TEX261: variants seen among roughly 807,000 people sequenced by gnomAD.
TEX261 encodes the protein protein TEX261.
A neutral mutation model predicts 25.1 loss-of-function variants in TEX261; 13 were observed. The ratio of observed to expected loss-of-function variants is 0.52; its 90% CI spans 0.34 to 0.82. TEX261 has a LOEUF of 0.82. TEX261 is among the 40% of genes least tolerant of loss of function. The pLI is 0.02. For synonymous variants in TEX261, 92 were observed against 97.8 expected, an observed-to-expected ratio of 0.94 and a Z score of 0.35; for missense variants, 206 against 243.2, an observed-to-expected ratio of 0.85 and a Z score of 1.02.
At chr2:70,991,493 C>G (rs961295672) in intron 3 of TEX261, among the ~76,000 whole-genome samples, 7 of 152,218 alleles carry the variant, frequency 4.6e-5, no homozygotes, top group African/African-American at 1.7e-4. Context: ...GGGCTTTGGG[C>G]TTTTTCTGGC....
In TEX261 at chr2:70,987,699, C is replaced by T. The variant is rs1670217276; in HGVS notation, c.*901G>A. 6.6e-6 allele frequency: 1 copy of T among 152,274 alleles called. No individual in the cohort carries two copies. Among genetic ancestry groups the T allele is most frequent in the African/African-American group, 2.4e-5 (1 of 41,440 alleles). The allele number at this position is 152,274 out of a possible 1,614,324, so 9.4% of individuals were successfully genotyped here. A position where few individuals can be genotyped will look rare whatever the true frequency, so the allele number is the denominator to read the frequency against. On this transcript the variant is annotated 3_prime_UTR_variant, in exon 6 of 6. Transcript: ENST00000272438. ...TCCCATTTCTTTAAAAACAGGCTGC[C>T]TGGAAGCTAATTTTTATTTTGTTTC...
chr2:70,989,426 G>T, intron 4 of TEX261: 1 of 420,276 alleles, frequency 2.4e-6, no homozygotes, highest in Non-Finnish European at 4.4e-6. Flanking sequence ...CTGGGGCTCA[G>T]GGGTGCAGTC....
At chr2:70,993,397 A>G (rs1386052436) in intron 2 of TEX261, among the ~76,000 whole-genome samples, 1 of 152,230 alleles carries the variant, frequency 6.6e-6, no homozygotes, top group Admixed American at 6.5e-5. Context: ...ACAGCGGGAG[A>G]GAGCTAAGCA....
chr2:70,987,956 C>A lies in TEX261; in HGVS notation c.*644G>T. The A allele has an allele frequency of 6.5e-6, 1 of 153,452 alleles. No individual in the cohort carries two copies. Among genetic ancestry groups the A allele is most frequent in the Non-Finnish European group, 1.5e-5 (1 of 68,616 alleles). The allele number at this position is 153,452 out of a possible 1,614,324, so 9.5% of individuals were successfully genotyped here. A position where few individuals can be genotyped will look rare whatever the true frequency, so the allele number is the denominator to read the frequency against. On this transcript the variant is annotated 3_prime_UTR_variant, in exon 6 of 6. Transcript: ENST00000272438. ...CTCCTTGAGCAGGCTCAGCTCCTCA[C>A]CCCTGCCCCCTTCCCATTAAGGGCC...
chr2:70,989,417 T>G (rs960895049), intron 4 of TEX261: 3 of 411,726 alleles, frequency 7.3e-6, no homozygotes, highest in Non-Finnish European at 1.3e-5. Context: ...TGGGAAAAGC[T>G]GGGGCTCAGG....
Position 70,987,411 on chromosome 2 carries a change from T to C in TEX261, c.*1189A>G, listed in dbSNP as rs11556872. 9,339 of 152,722 alleles carry C rather than the reference T, an allele frequency of 0.061. 524 individuals carry two copies. The highest frequency in any genetic ancestry group is 0.19 in the Admixed American group (2,975 of 15,286). The allele number at this position is 152,722 out of a possible 1,614,324, so 9.5% of individuals were successfully genotyped here. A position where few individuals can be genotyped will look rare whatever the true frequency, so the allele number is the denominator to read the frequency against. ...CAGTGGCTTAAATGTATCACATGTG[T>C]ACAGTTCATCTCTGTACCTGCCAGC... On this transcript the variant is annotated 3_prime_UTR_variant, in exon 6 of 6. Transcript: ENST00000272438.
rs371993080 is a variant in TEX261, at chr2:70,988,574, C to T, written c.*26G>A. The T allele has an allele frequency of 1.9e-5, 30 of 1,564,408 alleles. No individual in the cohort carries two copies. Among genetic ancestry groups the T allele is most frequent in the South Asian group, 4.4e-5 (4 of 90,048 alleles). On this transcript the variant is annotated 3_prime_UTR_variant, in exon 6 of 6. Transcript: ENST00000272438. ...CAGGGGCCTGACTCTCCTGATCTTG[C>T]CCCCCACATCCTGCCTGCATGGGGG...
intron 2 of TEX261, among the ~76,000 whole-genome samples, chr2:70,993,370 A>C (rs746802498): frequency 1.1e-4 from 16 of 152,282 alleles, no homozygotes; most frequent in Non-Finnish European, 2.2e-4. Flanking sequence ...TGCTGTGAGC[A>C]GAGCAAAGGG....
chr2:70,988,843 C>T, intron 5 of TEX261, 72 bp downstream of exon 5: 5 of 1,570,084 alleles, frequency 3.2e-6, no homozygotes, highest in Non-Finnish European at 4.4e-6. Flanking sequence ...TTCAGGTTCC[C>T]TCAGTGGACC....
At chr2:70,990,324 G>A (rs1670278602) in intron 3 of TEX261, among the ~76,000 whole-genome samples, 1 of 152,202 alleles carries the variant, frequency 6.6e-6, no homozygotes, top group African/African-American at 2.4e-5. Flanking sequence ...AGACTTGCTA[G>A]ATGCTTTGAG....
chr2:70,988,552 G>T lies in TEX261; in HGVS notation c.*48C>A. On this transcript the variant is annotated 3_prime_UTR_variant, in exon 6 of 6. Coordinates refer to ENST00000272438, the MANE Select transcript of TEX261 (RefSeq NM_144582.3). ...GTCCCCACCTGGCATAGAGGCCCAG[G>T]GGCCTGACTCTCCTGATCTTGCCCC... The T allele has an allele frequency of 6.8e-7, 1 of 1,476,860 alleles. No homozygotes were observed. Among genetic ancestry groups the T allele is most frequent in the East Asian group, 2.3e-5 (1 of 44,188 alleles). The allele number at this position is 1,476,860 out of a possible 1,614,324, so 91.5% of individuals were successfully genotyped here.
chr2:70,994,231 T>C (rs1328963146), intron 1 of TEX261, among the ~76,000 whole-genome samples: 1 of 152,184 alleles, frequency 6.6e-6, no homozygotes, highest in East Asian at 1.9e-4. Context: ...TGCTGGACCA[T>C]CAACCCCTGT....
rs191546867 is a variant in TEX261, at chr2:70,991,721, G to A, written c.304+109C>T. ...ATCTTCCCAACTAGCCTGGCTTCCT[G>A]GAGGACTTCAACAGCTGGCTTCCTT... On this transcript the variant is annotated intron_variant, in intron 3 of 5. Coordinates refer to ENST00000272438, the MANE Select transcript of TEX261 (RefSeq NM_144582.3). The A allele has an allele frequency of 8.9e-4, 1,202 of 1,348,628 alleles. 17 individuals are homozygous for A. In the Admixed American group the frequency reaches 0.023, roughly 26 times the overall value. The allele number at this position is 1,348,628 out of a possible 1,614,324, so 83.5% of individuals were successfully genotyped here.
In TEX261 at chr2:70,994,742, G is replaced by T; in HGVS notation, c.16C>A (p.Leu6Met). Residue 6 changes from leucine to methionine, a missense_variant, in exon 1 of 6, where the codon CTG (leucine) becomes ATG (methionine). Coordinates refer to ENST00000272438, the MANE Select transcript of TEX261 (RefSeq NM_144582.3). MWFMY[L>M]LSWLSLFIQV... ...ATGAAGAGCGACAGCCAGCTCAGCA[G>T]GTACATGAACCACATGGCGCCCCCA... 6.2e-7 allele frequency: 1 copy of T among 1,606,046 alleles called. No homozygotes were observed. Among genetic ancestry groups the T allele is most frequent in the East Asian group, 2.2e-5 (1 of 44,446 alleles).
In TEX261 at chr2:70,994,782, G is replaced by A. The variant is rs1553426072; in HGVS notation, c.-25C>T. ...TGGCGCCCCCACCCGCCCGCTCCCC[G>A]GCCACCGGGACGGGCCTGCGCGCTT... is the stretch of plus-strand genomic sequence containing the variant. On this transcript the variant is annotated 5_prime_UTR_variant, in exon 1 of 6. Transcript: ENST00000272438. 2 of 1,558,230 alleles carry A rather than the reference G, an allele frequency of 1.3e-6. No individual in the cohort carries two copies. The highest frequency in any genetic ancestry group is 2.5e-5 in the East Asian group (1 of 40,446).
intron 2 of TEX261, 146 bp from the exon 3 acceptor site, chr2:70,992,129 T>G: frequency 8.8e-6 from 6 of 680,430 alleles, no homozygotes; most frequent in East Asian, 3.5e-5. Flanking sequence ...CTAGGTTCTC[T>G]GCTCCCAAAA....
In TEX261 at chr2:70,989,592, C is replaced by G. The variant is rs566711376; in HGVS notation, c.372+157G>C. 4.7e-6 allele frequency: 3 copies of G among 632,322 alleles called. No homozygotes were observed. The African/African-American group carries it at 5.5e-5, about 12-fold the overall frequency. 39.2% of individuals were successfully genotyped at this position (632,322 alleles called of 1,614,324 possible). ...TGAGCACAGTCTGTCCCCATCCACA[C>G]AGCTTTCTCAAACCATCTATGTTTT... On this transcript the variant is annotated intron_variant, in intron 4 of 5. Coordinates refer to ENST00000272438, the MANE Select transcript of TEX261 (RefSeq NM_144582.3).
chr2:70,989,964 C>T (rs985888780), intron 3 of TEX261, 148 bp from the exon 4 acceptor site: 3 of 628,524 alleles, frequency 4.8e-6, no homozygotes, highest in Middle Eastern at 2.5e-4. Flanking sequence ...TGCCTAGAAC[C>T]GTTTCCCATC....
chr2:70,991,325 G>A (rs1182876665), intron 3 of TEX261, among the ~76,000 whole-genome samples: 2 of 152,214 alleles, frequency 1.3e-5, no homozygotes, highest in African/African-American at 4.8e-5. Context: ...CAAGCCCGAG[G>A]CAGCGGCAGC....
Sources: allele counts gnomAD v4.1 joint callset (sites outside exome capture counted in the v4.1 genomes callset), GRCh38; gene constraint gnomAD v4.1.1; transcripts MANE v1.5; gene names NCBI Gene and HGNC (gene_info 2026-07-23, HGNC 2026-07-21).